ASIP: variants seen among roughly 807,000 people sequenced by gnomAD.
The protein encoded by ASIP is agouti signaling protein.
ASIP carries 11 observed loss-of-function variants against 10.3 expected under a neutral mutation model. The observed-to-expected ratio is 1.07, with a 90% CI of 0.68 to 1.78. The LOEUF is 1.78. ASIP is among the 40% of genes most tolerant of loss of function. The pLI is 0.00. For synonymous variants in ASIP, 70 were observed against 70.8 expected, an observed-to-expected ratio of 0.99 and a Z score of 0.06; for missense variants, 180 against 169.2, an observed-to-expected ratio of 1.06 and a Z score of -0.35.
chr20:34,218,643 G>T (rs899792337), intron 1 of ASIP, among the ~76,000 whole-genome samples: 2 of 151,888 alleles, frequency 1.3e-5, no homozygotes, highest in Non-Finnish European at 2.9e-5. Flanking sequence ...GGCTGGTGGA[G>T]ATGGCAGTAG....
rs1405711273 is a variant in ASIP, at chr20:34,269,139, C to A, written c.371C>A (p.Ser124Tyr). 3.2e-6 allele frequency: 5 copies of A among 1,549,904 alleles called. No individual in the cohort carries two copies. The highest frequency in any genetic ancestry group is 3.5e-6 in the Non-Finnish European group (4 of 1,147,124). The part of the protein sequence containing the change: ...CQCRFFRSAC[S>Y]CRVLSLNC ...TGCCGCTTCTTCCGCAGCGCCTGCT[C>A]CTGCCGCGTGCTCAGCCTCAACTGC... The change falls in exon 4 of 4, where the codon TCC becomes TAC. Residue 124 changes from serine to tyrosine, a missense_variant. Physicochemically the swap from Ser to Tyr is moderately radical, Grantham distance 144. Transcript: ENST00000374954.
chr20:34,259,426 T>G (rs1188437295), intron 1 of ASIP, among the ~76,000 whole-genome samples: 2 of 151,424 alleles, frequency 1.3e-5, no homozygotes, highest in Non-Finnish European at 2.9e-5. Context: ...GGCACGAGAA[T>G]CTCTTGAACC....
At chr20:34,196,822 C>T (rs1568743249) in intron 1 of ASIP, among the ~76,000 whole-genome samples, 3 of 152,130 alleles carry the variant, frequency 2.0e-5, no homozygotes. Flanking sequence ...GGAGGGCATA[C>T]GCCCCTCTGA....
chr20:34,260,330 C>A (rs758507124), intron 1 of ASIP, 35 bp from the exon 2 acceptor site: 9 of 1,591,652 alleles, frequency 5.7e-6, no homozygotes, highest in Middle Eastern at 1.7e-4. Flanking sequence ...TTACCCCTGA[C>A]CCACCCACCT....
chr20:34,235,809 G>T (rs2035176519), intron 1 of ASIP, among the ~76,000 whole-genome samples: 1 of 55,238 alleles, frequency 1.8e-5, no homozygotes, highest in South Asian at 6.3e-4. Flanking sequence ...AAGAAAGAAA[G>T]AAAGAAAGAA....
At chr20:34,214,756 T>A in intron 1 of ASIP, 3 of 1,310,284 alleles carry the variant, frequency 2.3e-6, no homozygotes, top group Non-Finnish European at 3.3e-6. Context: ...TGCCTCCACA[T>A]TAGCTTTTTG....
intron 2 of ASIP, among the ~76,000 whole-genome samples, chr20:34,262,518 G>A (rs1195504679): frequency 6.6e-6 from 1 of 152,202 alleles, no homozygotes; most frequent in Non-Finnish European, 1.5e-5. Flanking sequence ...ACCTGGGGTG[G>A]CTCTGAGTGG....
At chr20:34,235,246 C>A (rs8115205) in intron 1 of ASIP, among the ~76,000 whole-genome samples, 39,681 of 152,008 alleles carry the variant, frequency 0.26, 9,436 homozygotes, top group African/African-American at 0.64. Flanking sequence ...TTGAGACCAG[C>A]CTGATCAACA....
intron 1 of ASIP, among the ~76,000 whole-genome samples, chr20:34,204,181 G>C (rs1259470941): frequency 6.6e-6 from 1 of 151,228 alleles, no homozygotes; most frequent in Non-Finnish European, 1.5e-5. Context: ...TGTAGTATGT[G>C]TAGTGTGTGT....
intron 1 of ASIP, among the ~76,000 whole-genome samples, chr20:34,253,615 G>T (rs1345103581): frequency 6.6e-6 from 1 of 151,984 alleles, no homozygotes; most frequent in African/African-American, 2.4e-5. Context: ...GGGATTATAG[G>T]CATGCACCAC....
upstream of ASIP, among the ~76,000 whole-genome samples, chr20:34,241,043 A>G (rs1159610610): frequency 6.6e-6 from 1 of 152,198 alleles, no homozygotes; most frequent in Non-Finnish European, 1.5e-5. Context: ...ATCCACGGAC[A>G]GGAAAGACGC....
At chr20:34,251,247 T>C (rs953493455) in intron 1 of ASIP, among the ~76,000 whole-genome samples, 7 of 152,036 alleles carry the variant, frequency 4.6e-5, no homozygotes, top group East Asian at 1.9e-4. Flanking sequence ...ACATAATAAG[T>C]GACCCTTATA....
the ASIP span, among the ~76,000 whole-genome samples, chr20:34,187,770 A>G: frequency 1.4e-3 from 207 of 152,342 alleles, no homozygotes; most frequent in Middle Eastern, 0.014. Context: ...CCTGAAGCAC[A>G]TCACTTACTA....
upstream of ASIP, among the ~76,000 whole-genome samples, chr20:34,190,371 G>A (rs1295961008): frequency 1.3e-5 from 2 of 152,134 alleles, no homozygotes; most frequent in African/African-American, 4.8e-5. Context: ...TACATAAGAT[G>A]ATATCACCAA....
intron 1 of ASIP, among the ~76,000 whole-genome samples, chr20:34,251,889 T>C (rs1314723163): frequency 6.6e-6 from 1 of 152,204 alleles, no homozygotes; most frequent in Non-Finnish European, 1.5e-5. Context: ...TGCCTGCACC[T>C]TGATCTTGGA....
chr20:34,250,883 C>T (rs2035463659), intron 1 of ASIP, among the ~76,000 whole-genome samples: 2 of 152,114 alleles, frequency 1.3e-5, no homozygotes, highest in East Asian at 1.9e-4. Context: ...CAATACTCTC[C>T]CCAGTGCTGT....
chr20:34,197,270 A>T (rs1484886490), intron 1 of ASIP, among the ~76,000 whole-genome samples: 1 of 152,150 alleles, frequency 6.6e-6, no homozygotes, highest in Non-Finnish European at 1.5e-5. Context: ...CTGAGGCAGG[A>T]GAATTGCTGG....
intron 3 of ASIP, 80 bp from the exon 4 acceptor site, chr20:34,268,911 C>T: frequency 6.6e-7 from 1 of 1,518,852 alleles, no homozygotes. Flanking sequence ...ATCTCCCTAG[C>T]CCGAGGAGCT....
At chr20:34,215,149 A>G (rs2034998940) in intron 1 of ASIP, 1 of 1,594,510 alleles carries the variant, frequency 6.3e-7, no homozygotes, top group African/African-American at 1.3e-5. Context: ...TACAACTTCA[A>G]ATAAACAGTC....
Sources: gnomAD v4.1 joint callset for allele counts (sites outside exome capture counted in the v4.1 genomes callset) on GRCh38, gnomAD v4.1.1 for gene constraint, MANE v1.5 for transcripts, NCBI Gene and HGNC (gene_info 2026-07-23, HGNC 2026-07-21) for gene names.